Variants in SFTPD observed in about 807,000 individuals in gnomAD.
SFTPD encodes surfactant protein D, also known as pulmonary surfactant-associated protein D.
A neutral mutation model predicts 34.6 loss-of-function variants in SFTPD; 18 were observed. The observed-to-expected ratio is 0.52, with a 90% confidence interval of 0.36 to 0.77. SFTPD has a LOEUF of 0.77. Among genes scored for constraint, SFTPD ranks in the 30% least tolerant of loss-of-function variants. The pLI, the probability that SFTPD is intolerant of heterozygous loss-of-function variation, is 0.00. For synonymous variants in SFTPD, 155 were observed against 180.9 expected, an observed-to-expected ratio of 0.86 and a Z score of 1.15; for missense variants, 433 against 468.9, an observed-to-expected ratio of 0.92 and a Z score of 0.71.
At chr10:79,959,966 C>A (rs1469504315) in intron 1 of SFTPD, among the ~76,000 whole-genome samples, 1 of 152,118 alleles carries the variant, frequency 6.6e-6, no homozygotes, top group East Asian at 1.9e-4. Context: ...TGGGCTTCAT[C>A]CCTGGGATGC....
Position 79,938,005 on chromosome 10 carries a change from G to A in SFTPD, c.975C>T (p.Thr325=). 6.2e-7 allele frequency: 1 copy of A among 1,613,884 alleles called. No homozygotes were observed. The highest frequency in any genetic ancestry group is 8.5e-7 in the Non-Finnish European group (1 of 1,179,804). ...MTDSKTEGKF[T]YPTGESLVYS... is the part of the protein sequence containing the mutation. ...AGACCAGGGACTCTCCTGTGGGGTA[G>A]GTGAACTTGCCCTCTGTCTTGGAAT... The change falls in exon 8 of 8, where the codon ACC becomes ACT. Residue 325 remains threonine, a synonymous_variant. Coordinates refer to ENST00000372292, the MANE Select transcript of SFTPD (RefSeq NM_003019.5).
At chr10:79,940,576 T>C in intron 7 of SFTPD, 129 bp downstream of exon 7, 1 of 645,388 alleles carries the variant, frequency 1.5e-6, no homozygotes, top group Non-Finnish European at 2.9e-6. Context: ...ATTCCCATCC[T>C]AGACCCAGGG....
At position 79,956,016 on chromosome 10, in the gene SFTPD, A is replaced by C. The variant is rs571786260; in HGVS notation, c.37-9354T>G. 2.4e-4 allele frequency among the ~76,000 whole-genome samples: 37 copies of C among 152,368 alleles called. No homozygotes were observed. The South Asian group carries it at 3.7e-3, about 15-fold the overall frequency. ...TGTTGGCGGGAAGTAAAGAGATACA[A>C]CCATACTAATTTCAAAAAAACAGAA... is the stretch of plus-strand genomic sequence containing the variant. On this transcript the variant is annotated intron_variant, in intron 1 of 5. Coordinates refer to the SFTPD transcript ENST00000444384.
upstream of SFTPD, among the ~76,000 whole-genome samples, chr10:79,953,812 C>T (rs973405074): frequency 5.9e-5 from 9 of 152,052 alleles, no homozygotes; most frequent in Admixed American, 3.9e-4. Flanking sequence ...TTCATCGTGT[C>T]CCATAAGTCC....
chr10:79,977,065 CT>C (rs1289092812), intron 1 of SFTPD, among the ~76,000 whole-genome samples: 1 of 152,184 alleles, frequency 6.6e-6, no homozygotes, highest in African/African-American at 2.4e-5. Context: ...AATTAAGCCT[CT>C]TTTTCTTCCC....
intron 2 of SFTPD, among the ~76,000 whole-genome samples, chr10:79,945,908 C>G (rs951076454): frequency 6.6e-6 from 1 of 152,070 alleles, no homozygotes; most frequent in Non-Finnish European, 1.5e-5. Flanking sequence ...TTAATATGTC[C>G]CCTGTAAGAC....
chr10:79,961,384 T>C (rs1842771665), intron 1 of SFTPD, among the ~76,000 whole-genome samples: 1 of 152,048 alleles, frequency 6.6e-6, no homozygotes, highest in Admixed American at 6.6e-5. Context: ...ACAAAATTTT[T>C]GCAACCTACT....
intron 1 of SFTPD, among the ~76,000 whole-genome samples, chr10:79,959,913 C>T (rs1368987245): frequency 5.3e-5 from 8 of 151,908 alleles, no homozygotes; most frequent in Non-Finnish European, 7.4e-5. Flanking sequence ...ACTGGCAAAC[C>T]GAATCCAGCA....
At chr10:79,975,744 A>G (rs2132526042) in intron 1 of SFTPD, among the ~76,000 whole-genome samples, 1 of 152,348 alleles carries the variant, frequency 6.6e-6, no homozygotes. Flanking sequence ...CAAGCCAGTC[A>G]TTAGCATTGT....
At chr10:79,982,261 C>CG in intron 1 of SFTPD, 3 of 939,736 alleles carry the variant, frequency 3.2e-6, no homozygotes, top group Non-Finnish European at 2.7e-6. Context: ...CGGGCGGCGG[C>CG]GGGGGCGCTC....
chr10:79,937,802 C>A lies in SFTPD; in HGVS notation c.*50G>T. The A allele has an allele frequency of 6.6e-7, 1 of 1,506,304 alleles. No individual in the cohort carries two copies. The highest frequency in any genetic ancestry group is 2.3e-5 in the East Asian group (1 of 43,602). 93.3% of individuals were successfully genotyped at this position (1,506,304 alleles called of 1,614,324 possible). On this transcript the variant is annotated 3_prime_UTR_variant, in exon 8 of 8. Transcript: ENST00000372292. The stretch of plus-strand genomic sequence containing the variant: ...GGCAGCATGAGGGTCTAAGCCTTGA[C>A]TTCTGGCCAAACTCCTGGGCCAAGC...
intron 1 of SFTPD, among the ~76,000 whole-genome samples, chr10:79,962,672 A>G (rs184216623): frequency 6.6e-6 from 1 of 152,288 alleles, no homozygotes; most frequent in Admixed American, 6.5e-5. Context: ...ACAGTCATTT[A>G]TCAGCATATA....
chr10:79,944,535 G>T (rs1163637770), intron 2 of SFTPD, among the ~76,000 whole-genome samples: 1 of 152,090 alleles, frequency 6.6e-6, no homozygotes, highest in Non-Finnish European at 1.5e-5. Context: ...GTGACCGGGG[G>T]CCAGAAAGAA....
intron 1 of SFTPD, among the ~76,000 whole-genome samples, chr10:79,956,378 G>A (rs1842738081): frequency 6.6e-6 from 1 of 152,238 alleles, no homozygotes; most frequent in African/African-American, 2.4e-5. Context: ...GAGCACAAGG[G>A]GTCAGGGAGT....
intron 3 of SFTPD, 33 bp downstream of exon 3, chr10:79,942,730 G>A (rs1842626574): frequency 7.1e-7 from 1 of 1,398,696 alleles, no homozygotes. Context: ...ACCACCACCT[G>A]GAAACACCTG....
At chr10:79,943,618 G>C (rs896027273) in intron 2 of SFTPD, among the ~76,000 whole-genome samples, 5 of 152,180 alleles carry the variant, frequency 3.3e-5, no homozygotes, top group Admixed American at 1.3e-4. Flanking sequence ...GGCCTCCATG[G>C]GGGGTGAGCA....
chr10:79,942,587 G>A, intron 3 of SFTPD, 83 bp from the exon 4 acceptor site: 1 of 1,007,570 alleles, frequency 9.9e-7, no homozygotes, highest in East Asian at 2.4e-5. Context: ...TAATAACAGA[G>A]GTAAGGGAGG....
At chr10:79,976,135 C>T (rs1564536407) in intron 1 of SFTPD, among the ~76,000 whole-genome samples, 1 of 152,140 alleles carries the variant, frequency 6.6e-6, no homozygotes, top group Non-Finnish European at 1.5e-5. Flanking sequence ...GATACAGTGG[C>T]CTTAAGAAAA....
At chr10:79,961,686 A>G (rs1014221147) in intron 1 of SFTPD, among the ~76,000 whole-genome samples, 9 of 152,196 alleles carry the variant, frequency 5.9e-5, no homozygotes, top group African/African-American at 2.2e-4. Context: ...ACACTTTTAC[A>G]CTGTTGGTGG....
Sources: allele counts gnomAD v4.1 joint callset (sites outside exome capture counted in the v4.1 genomes callset), GRCh38; gene constraint gnomAD v4.1.1; transcripts MANE v1.5; gene names NCBI Gene and HGNC (gene_info 2026-07-23, HGNC 2026-07-21).